The following NCKAP5 variants were observed in gnomAD, a reference collection of about 807,000 sequenced individuals.
NCKAP5 encodes the protein NCK associated protein 5, also known as nck-associated protein 5.
In NCKAP5, 92 loss-of-function variants were observed where a neutral mutation model predicts 167.0. The observed-to-expected ratio is 0.55, with a 90% CI of 0.47 to 0.66. NCKAP5 has a LOEUF of 0.66. NCKAP5 is among the 30% of genes least tolerant of loss of function. The pLI is 0.00. For synonymous variants in NCKAP5, 891 were observed against 877.4 expected, an observed-to-expected ratio of 1.02 and a Z score of -0.27; for missense variants, 2,378 against 2,315.0, an observed-to-expected ratio of 1.03 and a Z score of -0.56.
chr2:133,197,008 CT>C (rs1024027392), intron 5 of NCKAP5, among the ~76,000 whole-genome samples: 1 of 152,124 alleles, frequency 6.6e-6, no homozygotes, highest in Admixed American at 6.6e-5. Flanking sequence ...CTTTTTCCCC[CT>C]CTCTATCTTC....
At chr2:132,895,134 T>A (rs57076882) in intron 8 of NCKAP5, among the ~76,000 whole-genome samples, 26,564 of 151,562 alleles carry the variant, frequency 0.18, 2,739 homozygotes, top group East Asian at 0.38. Context: ...GATGGAGACC[T>A]TCCTGGCTAA....
intron 5 of NCKAP5, among the ~76,000 whole-genome samples, chr2:133,140,409 G>A (rs181657578): frequency 2.7e-3 from 409 of 152,112 alleles, no homozygotes; most frequent in Admixed American, 4.1e-3. Context: ...CACAACAATC[G>A]GTGAACAACA....
chr2:132,881,750 T>C lies in NCKAP5; in HGVS notation c.580-2834A>G, dbSNP rs150961250. Among the ~76,000 whole-genome samples the C allele has an allele frequency of 6.6e-5, 10 of 152,128 alleles. No homozygotes were observed. In the East Asian group the frequency reaches 1.9e-3, roughly 30 times the overall value. ...TGCTGGACATGTTAACTTTCATCAC[T>C]TGGTTAAGGTAGGGTCTGCCAAATC... On this transcript the variant is annotated intron_variant, in intron 8 of 19. Coordinates refer to ENST00000409261, the MANE Select transcript of NCKAP5 (RefSeq NM_207363.3).
In NCKAP5 at chr2:132,783,378, G is replaced by A. The variant is rs1012411360; in HGVS notation, c.3433C>T (p.Arg1145Cys). 9 of 1,607,394 alleles carry A rather than the reference G, an allele frequency of 5.6e-6. No homozygotes were observed. Among genetic ancestry groups the A allele is most frequent in the East Asian group, 2.2e-5 (1 of 44,834 alleles). ...AGCACTTTGAGTCCCACTGGAAGGC[G>A]AGTTTTCAGTCCTTTCTCATGAGCA... ...QSAHEKGLKTRLPVGLKVLMK... is the reference protein window; with the variant it reads ...QSAHEKGLKTCLPVGLKVLMK... Residue 1145 changes from arginine to cysteine, a missense_variant, in exon 14 of 20, where the codon CGC becomes TGC. By Grantham distance (180) the Arg-to-Cys change is radical. This residue lies in a region of NCKAP5 where 1,325 missense variants were observed against 1,274.5 expected (regional missense o/e 1.04). Transcript: ENST00000409261.
At chr2:132,837,021 C>T (rs1687939440) in intron 11 of NCKAP5, among the ~76,000 whole-genome samples, 1 of 152,154 alleles carries the variant, frequency 6.6e-6, no homozygotes, top group African/African-American at 2.4e-5. Context: ...TTAGTCTATC[C>T]CCATGCTTAA....
intron 3 of NCKAP5, among the ~76,000 whole-genome samples, chr2:133,398,083 G>A (rs1192558549): frequency 3.9e-5 from 6 of 152,014 alleles, no homozygotes; most frequent in African/African-American, 1.4e-4. Context: ...AGAGATGGAG[G>A]AGCAAAGCCA....
chr2:133,498,548 G>A (rs1350238892), intron 3 of NCKAP5, among the ~76,000 whole-genome samples: 3 of 149,338 alleles, frequency 2.0e-5, no homozygotes, highest in African/African-American at 7.4e-5. Flanking sequence ...AGGAAGGGAG[G>A]GAGGGAGGGA....
At chr2:132,772,420 T>C (rs1682158077) in intron 16 of NCKAP5, among the ~76,000 whole-genome samples, 1 of 152,192 alleles carries the variant, frequency 6.6e-6, no homozygotes, top group Non-Finnish European at 1.5e-5. Context: ...ATACAAAGAA[T>C]TGCTACCTAC....
the NCKAP5 span, among the ~76,000 whole-genome samples, chr2:133,628,538 G>T: frequency 1.3e-5 from 2 of 152,138 alleles, no homozygotes; most frequent in African/African-American, 4.8e-5. Flanking sequence ...TGGAAAGGAA[G>T]AATCAATATC....
chr2:133,036,859 G>A (rs1559074517), intron 6 of NCKAP5, among the ~76,000 whole-genome samples: 1 of 151,944 alleles, frequency 6.6e-6, no homozygotes. Context: ...CATCTAAACT[G>A]GAAAGGAAGA....
intron 6 of NCKAP5, among the ~76,000 whole-genome samples, chr2:133,086,813 G>A (rs546069227): frequency 1.6e-4 from 24 of 152,160 alleles, no homozygotes; most frequent in Middle Eastern, 3.4e-3. Context: ...AGAGAAAACC[G>A]GATTTGTTGA....
intron 12 of NCKAP5, among the ~76,000 whole-genome samples, chr2:132,795,092 A>G (rs1684474310): frequency 6.6e-6 from 1 of 152,188 alleles, no homozygotes; most frequent in African/African-American, 2.4e-5. Flanking sequence ...TAGAAAAGAA[A>G]TATCATTATC....
chr2:133,639,702 T>C, the NCKAP5 span, among the ~76,000 whole-genome samples: 1 of 152,084 alleles, frequency 6.6e-6, no homozygotes, highest in African/African-American at 2.4e-5. Context: ...CATCAGTGCA[T>C]CTCAAAGCCC....
intron 6 of NCKAP5, among the ~76,000 whole-genome samples, chr2:133,039,250 G>A (rs1559077082): frequency 6.6e-6 from 1 of 152,180 alleles, no homozygotes; most frequent in South Asian, 2.1e-4. Context: ...CCAAATGCAG[G>A]TGAAACCGAT....
chr2:133,401,857 A>C (rs1688122607), intron 3 of NCKAP5, among the ~76,000 whole-genome samples: 1 of 152,140 alleles, frequency 6.6e-6, no homozygotes, highest in Admixed American at 6.6e-5. Flanking sequence ...AGCTCCCTAG[A>C]ATGGCAATGA....
chr2:133,114,145 T>G (rs183206502), intron 6 of NCKAP5, among the ~76,000 whole-genome samples: 28 of 152,316 alleles, frequency 1.8e-4, no homozygotes, highest in South Asian at 4.1e-4. Context: ...AGAGTTAGGT[T>G]TAGAAAATTA....
chr2:133,130,518 G>C (rs1257466402), intron 5 of NCKAP5, among the ~76,000 whole-genome samples: 3 of 152,192 alleles, frequency 2.0e-5, no homozygotes, highest in Admixed American at 6.5e-5. Context: ...ATCCTTGAAA[G>C]AGAAAATTAC....
At chr2:133,143,848 A>G (rs530297433) in intron 5 of NCKAP5, among the ~76,000 whole-genome samples, 1 of 152,146 alleles carries the variant, frequency 6.6e-6, no homozygotes, top group African/African-American at 2.4e-5. Context: ...CTAAGGCCAC[A>G]GTAAGTAAAT....
intron 9 of NCKAP5, among the ~76,000 whole-genome samples, chr2:132,876,077 T>C (rs1691244345): frequency 6.6e-6 from 1 of 152,114 alleles, no homozygotes; most frequent in Non-Finnish European, 1.5e-5. Context: ...GCAAGAAGGA[T>C]TGAAGAACAT....
Sources: gnomAD v4.1 joint callset for allele counts (sites outside exome capture counted in the v4.1 genomes callset) on GRCh38, gnomAD v4.1.1 for gene constraint, gnomAD v4.1.1 regional missense constraint, MANE v1.5 for transcripts, NCBI Gene and HGNC (gene_info 2026-07-23, HGNC 2026-07-21) for gene names.